Variants in SH2B2 observed in about 807,000 individuals in gnomAD.
The protein encoded by SH2B2 is SH2B adapter protein 2.
In SH2B2, 37 loss-of-function variants were observed where a neutral mutation model predicts 35.7. The observed-to-expected ratio is 1.04, with a 90% CI of 0.80 to 1.36. SH2B2 has a LOEUF of 1.36. SH2B2 is among the 40% of genes most tolerant of loss of function. The pLI is 0.00. For synonymous variants in SH2B2, 383 were observed against 376.4 expected, an observed-to-expected ratio of 1.02 and a Z score of -0.20; for missense variants, 852 against 817.7, an observed-to-expected ratio of 1.04 and a Z score of -0.51.
chr7:102,308,607 G>T (rs192764774), intron 3 of SH2B2, among the ~76,000 whole-genome samples: 201 of 152,328 alleles, frequency 1.3e-3, no homozygotes, highest in Admixed American at 2.9e-3. Flanking sequence ...GGCCCAGAAG[G>T]GAGGGAATAC....
intron 1 of SH2B2, chr7:102,293,165 G>A (rs1792748445): frequency 6.5e-6 from 1 of 154,102 alleles, no homozygotes; most frequent in South Asian, 2.0e-4. Context: ...CCTGGGGTGC[G>A]GAATTGCTGC....
intron 2 of SH2B2, among the ~76,000 whole-genome samples, chr7:102,306,367 G>A (rs1554554843): frequency 1.3e-5 from 2 of 152,186 alleles, no homozygotes; most frequent in Non-Finnish European, 2.9e-5. Context: ...GGGATTACAG[G>A]CGTGAGCCAC....
chr7:102,320,815 G>C (rs1554558287), intron 8 of SH2B2, among the ~76,000 whole-genome samples: 2 of 152,170 alleles, frequency 1.3e-5, no homozygotes, highest in Non-Finnish European at 2.9e-5. Flanking sequence ...GATGAAAGGA[G>C]CTGGGCATAT....
chr7:102,306,232 A>G (rs1187417421), intron 2 of SH2B2, among the ~76,000 whole-genome samples: 1 of 152,134 alleles, frequency 6.6e-6, no homozygotes, highest in Non-Finnish European at 1.5e-5. Flanking sequence ...GACTACAGGC[A>G]TGCACCACCA....
Position 102,315,328 on chromosome 7 carries a change from G to A in SH2B2, c.1186+646G>A, listed in dbSNP as rs991416385. Reference sequence around the variant, plus strand: ...ACTAGCCTGGACAACATAGCAAGACGCTATCTGTACAAAATTTTTGAGACA... The same window carrying A: ...ACTAGCCTGGACAACATAGCAAGACACTATCTGTACAAAATTTTTGAGACA... On this transcript the variant is annotated intron_variant, in intron 6 of 8. Transcript: ENST00000444095. Among the ~76,000 whole-genome samples, 97 of 151,976 alleles carry A rather than the reference G, an allele frequency of 6.4e-4. 2 individuals are homozygous for A. Among genetic ancestry groups the A allele is most frequent in the Non-Finnish European group, 2.8e-4 (19 of 67,964 alleles).
At chr7:102,299,049 G>T (rs1309158846) in intron 1 of SH2B2, among the ~76,000 whole-genome samples, 1 of 143,880 alleles carries the variant, frequency 7.0e-6, no homozygotes, top group Admixed American at 7.1e-5. Flanking sequence ...GCCTGTGCCT[G>T]CCCCCACGCC....
intron 1 of SH2B2, among the ~76,000 whole-genome samples, chr7:102,288,989 G>C (rs1233186883): frequency 6.6e-6 from 1 of 152,212 alleles, no homozygotes; most frequent in Non-Finnish European, 1.5e-5. Context: ...TCCAAGTGAG[G>C]CCAGGGGACT....
chr7:102,308,242 G>C (rs782664067), intron 3 of SH2B2, among the ~76,000 whole-genome samples: 3 of 152,226 alleles, frequency 2.0e-5, no homozygotes, highest in Non-Finnish European at 2.9e-5. Flanking sequence ...TGGGGGAAAT[G>C]GCTCCTCTCC....
chr7:102,306,085 G>GT (rs1227388525), intron 2 of SH2B2, among the ~76,000 whole-genome samples: 4 of 151,270 alleles, frequency 2.6e-5, no homozygotes, highest in Non-Finnish European at 4.4e-5. Flanking sequence ...GTCTCTTTTT[G>GT]TTTCGTTTTT....
upstream of SH2B2, among the ~76,000 whole-genome samples, chr7:102,286,713 G>C (rs1228240228): frequency 2.0e-5 from 3 of 149,582 alleles, no homozygotes; most frequent in Non-Finnish European, 4.5e-5. Flanking sequence ...GGCGCCGCTC[G>C]GGCTCCGCGG....
intron 8 of SH2B2, among the ~76,000 whole-genome samples, chr7:102,321,013 A>C (rs1250500667): frequency 6.8e-6 from 1 of 146,958 alleles, no homozygotes; most frequent in Non-Finnish European, 1.5e-5. Flanking sequence ...GTGCATGGGC[A>C]CGCGTGTGCT....
In SH2B2 at chr7:102,297,237, A is replaced by C. The variant is rs1337762485; in HGVS notation, c.-29-3285A>C. Among the ~76,000 whole-genome samples, 1 of 151,988 alleles carries C rather than the reference A, an allele frequency of 6.6e-6. No homozygotes were observed. The highest frequency in any genetic ancestry group is 1.5e-5 in the Non-Finnish European group (1 of 68,000). ...TCTGGATACGACCCGCTCGCCACTT[A>C]GGAGTTGTCTGGGTTATTAGATCCA... On this transcript the variant is annotated intron_variant, in intron 1 of 8. Coordinates refer to ENST00000444095, the MANE Select transcript of SH2B2 (RefSeq NM_001359228.2). This position sits in a 1 kb window ranked among gnomAD's most constrained non-coding sequence, Gnocchi z 4.3.
At chr7:102,299,097 C>T (rs1414161378) in intron 1 of SH2B2, among the ~76,000 whole-genome samples, 1 of 149,692 alleles carries the variant, frequency 6.7e-6, no homozygotes, top group African/African-American at 2.5e-5. Context: ...GATGGGGTTT[C>T]ACTGTGTTAG....
rs1554553532 is a variant in SH2B2 at position 102,300,810 on chromosome 7, C to T, written c.260C>T (p.Thr87Ile). 6.7e-7 allele frequency: 1 copy of T among 1,488,918 alleles called. No homozygotes were observed. Among genetic ancestry groups the T allele is most frequent in the South Asian group, 1.3e-5 (1 of 76,408 alleles). 92.2% of individuals were successfully genotyped at this position (1,488,918 alleles called of 1,614,324 possible). A position where few individuals can be genotyped will look rare whatever the true frequency, so the allele number is the denominator to read the frequency against. ...CGCGTGCTGGTGGCTGGGCCGACGA[C>T]TCGGGGCGCGGCCGTGAGCGCAGAG... ...VRRVLVAGPT[T>I]RGAAVSAEAM... The change falls in exon 2 of 9, where the codon ACT becomes ATT. Residue 87 changes from threonine (T) to isoleucine (I), a missense_variant. Physicochemically the swap from Thr to Ile is moderately conservative, Grantham distance 89. Transcript: ENST00000444095.
At chr7:102,291,746 C>T (rs189071573) in intron 1 of SH2B2, among the ~76,000 whole-genome samples, 16 of 152,304 alleles carry the variant, frequency 1.1e-4, no homozygotes, top group African/African-American at 3.1e-4. Context: ...TGAGCAGTAA[C>T]ACGGGCTTGA....
At chr7:102,295,839 G>A (rs782344484) in intron 1 of SH2B2, among the ~76,000 whole-genome samples, 1 of 152,244 alleles carries the variant, frequency 6.6e-6, no homozygotes, top group Non-Finnish European at 1.5e-5. Flanking sequence ...AGCAAAGCTC[G>A]TGGGTTCCTC....
intron 4 of SH2B2, chr7:102,309,696 G>T (rs1793544506): frequency 5.9e-6 from 1 of 168,320 alleles, no homozygotes; most frequent in African/African-American, 2.4e-5. Flanking sequence ...AATAGAGAGA[G>T]CTGGAGAGAG....
rs1554553841 is a variant in SH2B2, at chr7:102,301,280, G to A, written c.729+1G>A. ...CCTGGAGTTCTTCGTGCCGCCCAAA[G>A]TGAGTTACCCCATAATCCCACCTAG... On this transcript the variant is annotated splice_donor_variant, in intron 2 of 8. Transcript: ENST00000444095. LOFTEE classifies it high-confidence loss of function. The A allele has an allele frequency of 1.9e-6, 3 of 1,602,934 alleles. No individual in the cohort carries two copies. The highest frequency in any genetic ancestry group is 1.7e-6 in the Non-Finnish European group (2 of 1,175,268).
At chr7:102,305,359 G>C (rs1226070324) in intron 2 of SH2B2, among the ~76,000 whole-genome samples, 4 of 152,008 alleles carry the variant, frequency 2.6e-5, no homozygotes, top group African/African-American at 9.7e-5. Flanking sequence ...TCCACCTCCC[G>C]GGTTCAAGTG....
Sources: gnomAD v4.1 joint callset for allele counts (sites outside exome capture counted in the v4.1 genomes callset) on GRCh38, gnomAD v4.1.1 for gene constraint, Gnocchi (gnomAD v3.1) non-coding constraint, MANE v1.5 for transcripts, NCBI Gene and HGNC (gene_info 2026-07-23, HGNC 2026-07-21) for gene names.